Variants in NDC1 observed in about 807,000 individuals in gnomAD.
NDC1 encodes the protein NDC1 transmembrane nucleoporin.
NDC1 carries 24 observed loss-of-function variants against 89.8 expected under a neutral mutation model. The observed-to-expected ratio is 0.27, with a 90% CI of 0.19 to 0.38. The LOEUF is 0.38. Among genes scored for constraint, NDC1 ranks in the 10% least tolerant of loss-of-function variants. The probability of loss-of-function intolerance (pLI) is 1.00; values close to 1 mark genes in which losing one functional copy is unlikely to be tolerated. For synonymous variants in NDC1, 296 were observed against 284.8 expected (o/e 1.04, Z -0.39); for missense variants, 728 against 797.6 (o/e 0.91, Z 1.05).
At chr1:53,827,560 A>T (rs2100690563) in intron 4 of NDC1, among the ~76,000 whole-genome samples, 1 of 152,370 alleles carries the variant, frequency 6.6e-6, no homozygotes, top group Non-Finnish European at 1.5e-5. Flanking sequence ...AAAGGCAGTT[A>T]TAATTTTTAA....
chr1:53,790,064 G>A (rs1156823236), intron 14 of NDC1, among the ~76,000 whole-genome samples: 1 of 151,352 alleles, frequency 6.6e-6, no homozygotes, highest in East Asian at 1.9e-4. Context: ...GATCATACCA[G>A]TGCATTCCAG....
chr1:53,818,026 T>G (rs956679610), intron 6 of NDC1, among the ~76,000 whole-genome samples: 3 of 152,086 alleles, frequency 2.0e-5, no homozygotes, highest in Admixed American at 1.3e-4. Context: ...TTACAAATTA[T>G]AAAAAGGAGG....
At chr1:53,771,526 T>C (rs1279844921) in intron 17 of NDC1, among the ~76,000 whole-genome samples, 1 of 152,178 alleles carries the variant, frequency 6.6e-6, no homozygotes, top group Admixed American at 6.5e-5. Context: ...AAAGATGTTA[T>C]ACTTCTGTTG....
chr1:53,805,399 T>G (rs910662569), intron 9 of NDC1, among the ~76,000 whole-genome samples: 3 of 152,052 alleles, frequency 2.0e-5, no homozygotes, highest in Non-Finnish European at 4.4e-5. Context: ...TGAGATGAGG[T>G]CTCCCTATGT....
At chr1:53,780,218 G>A (rs957132276) in intron 16 of NDC1, among the ~76,000 whole-genome samples, 6 of 151,976 alleles carry the variant, frequency 3.9e-5, no homozygotes, top group Non-Finnish European at 4.4e-5. Context: ...GATTACAAGC[G>A]TCCGCCACCA....
At chr1:53,837,595 A>G (rs1649278543) in intron 1 of NDC1, among the ~76,000 whole-genome samples, 1 of 152,122 alleles carries the variant, frequency 6.6e-6, no homozygotes, top group Admixed American at 6.5e-5. Context: ...GATAAGACTT[A>G]CGGACCCAAA....
chr1:53,808,464 A>G (rs1648189867), intron 7 of NDC1, among the ~76,000 whole-genome samples: 1 of 152,196 alleles, frequency 6.6e-6, no homozygotes, highest in Admixed American at 6.5e-5. Context: ...GTGGCATAAT[A>G]TGTTCATTCT....
At chr1:53,833,459 T>C (rs1054932786) in intron 2 of NDC1, among the ~76,000 whole-genome samples, 1 of 152,140 alleles carries the variant, frequency 6.6e-6, no homozygotes, top group Admixed American at 6.5e-5. Flanking sequence ...TATTTAATCA[T>C]GTGAAAGAGA....
At chr1:53,830,073 C>T (rs763826109) in intron 3 of NDC1, among the ~76,000 whole-genome samples, 82 of 151,884 alleles carry the variant, frequency 5.4e-4, no homozygotes, top group African/African-American at 2.0e-3. Context: ...ATCACTTGAA[C>T]CCGGGAGGCA....
intron 16 of NDC1, among the ~76,000 whole-genome samples, chr1:53,785,977 T>G (rs997702628): frequency 6.6e-6 from 1 of 152,132 alleles, no homozygotes; most frequent in African/African-American, 2.4e-5. Flanking sequence ...CAGGCTGGAG[T>G]GCAGTGGCAC....
In NDC1 at chr1:53,796,931, C is replaced by T. The variant is rs1167677221; in HGVS notation, c.1436G>A (p.Arg479Lys). 1 of 1,614,184 alleles carries T rather than the reference C, an allele frequency of 6.2e-7. No homozygotes were observed. The highest frequency in any genetic ancestry group is 8.5e-7 in the Non-Finnish European group (1 of 1,180,022). Residue 479 changes from arginine (R) to lysine (K), a missense_variant, in exon 12 of 18, where the codon AGA (arginine) becomes AAA (lysine). Coordinates refer to ENST00000371429, the MANE Select transcript of NDC1 (RefSeq NM_018087.5). ...TGATGTCCACAATCTTGGCCCCCTT[C>T]TTATTAGCTGAGGACTTTGCGGTGA... ...YGSPQSPQLIRRGPRLWTSAS... is the reference protein window; with the variant it reads ...YGSPQSPQLIKRGPRLWTSAS...
At chr1:53,803,187 C>A (rs1017293976) in intron 10 of NDC1, among the ~76,000 whole-genome samples, 1 of 152,034 alleles carries the variant, frequency 6.6e-6, no homozygotes, top group Non-Finnish European at 1.5e-5. Flanking sequence ...CAGCTCAGCT[C>A]CTCAAGTAGC....
chr1:53,820,910 T>C (rs1249818003), intron 5 of NDC1, among the ~76,000 whole-genome samples: 1 of 151,496 alleles, frequency 6.6e-6, no homozygotes, highest in East Asian at 2.0e-4. Context: ...TTTGCCATAT[T>C]GCCCAGGCTG....
At chr1:53,784,958 C>CA (rs796390220) in intron 16 of NDC1, among the ~76,000 whole-genome samples, 5,738 of 131,330 alleles carry the variant, frequency 0.044, 321 homozygotes, top group Admixed American at 0.17. Context: ...GACTCAATCT[C>CA]AAAAAAAAAA....
At chr1:53,795,300 G>A (rs550291271) in intron 13 of NDC1, among the ~76,000 whole-genome samples, 102 of 152,126 alleles carry the variant, frequency 6.7e-4, no homozygotes, top group African/African-American at 2.4e-3. Flanking sequence ...AGTTTGCATC[G>A]AGTCTCATGC....
intron 16 of NDC1, among the ~76,000 whole-genome samples, chr1:53,772,723 A>AACATAACATAACATAACAT (rs1159986666): frequency 2.2e-4 from 26 of 118,640 alleles, no homozygotes; most frequent in Non-Finnish European, 4.7e-4. Context: ...TAACATAACA[A>AACATAACATAACATAACAT]AACAAAACAA....
chr1:53,813,043 A>C (rs960274432), intron 6 of NDC1, among the ~76,000 whole-genome samples: 1 of 152,236 alleles, frequency 6.6e-6, no homozygotes, highest in Admixed American at 6.5e-5. Context: ...AGCCTTTTTC[A>C]GACAAATAAA....
chr1:53,823,210 C>A (rs1312476741), intron 5 of NDC1, among the ~76,000 whole-genome samples: 1 of 152,170 alleles, frequency 6.6e-6, no homozygotes, highest in African/African-American at 2.4e-5. Context: ...CAGCAAAACA[C>A]CTGCTCCAAC....
In NDC1 at chr1:53,807,740, T is replaced by C. The variant is rs1570205762; in HGVS notation, c.807A>G (p.Leu269=). The C allele has an allele frequency of 1.2e-6, 2 of 1,613,616 alleles. No homozygotes were observed. The highest frequency in any genetic ancestry group is 2.7e-5 in the African/African-American group (2 of 74,928). Residue 269 remains leucine, a synonymous_variant, in exon 8 of 18, where the codon TTA becomes TTG. Transcript: ENST00000371429. ...DTVSGLLNLS[L]LYHVWLCGVF... Reference sequence around the variant, plus strand: ...CACCACACAGCCAGACATGGTAGAGTAACGAGAGATTTAAGAGGCCACTCA... The same window carrying C: ...CACCACACAGCCAGACATGGTAGAGCAACGAGAGATTTAAGAGGCCACTCA...
Sources: gnomAD v4.1 joint callset for allele counts (sites outside exome capture counted in the v4.1 genomes callset) on GRCh38, gnomAD v4.1.1 for gene constraint, MANE v1.5 for transcripts, NCBI Gene and HGNC (gene_info 2026-07-23, HGNC 2026-07-21) for gene names.